The following SEPTIN2 variants were observed in gnomAD, a reference collection of about 807,000 sequenced individuals.
The protein encoded by SEPTIN2 is septin 2.
Under a neutral mutation model 46.5 loss-of-function variants are expected in SEPTIN2, and 34 were observed. The observed-to-expected ratio is 0.73, with a 90% CI of 0.56 to 0.97. SEPTIN2 has a LOEUF of 0.97. Ranked by LOEUF, SEPTIN2 falls within the 50% of genes least tolerant of loss-of-function variation. The probability of loss-of-function intolerance (pLI) is 0.00; values close to 1 mark genes in which losing one functional copy is unlikely to be tolerated. For missense variants in SEPTIN2, 347 were observed against 448.4 expected, an observed-to-expected ratio of 0.77 and a Z score of 2.04; for synonymous variants, 175 against 153.4, an observed-to-expected ratio of 1.14 and a Z score of -1.04.
Position 241,337,458 on chromosome 2 carries a change from C to A in SEPTIN2, c.418C>A (p.His140Asn). Residue 140 changes from histidine to asparagine, a missense_variant, in exon 6 of 13, where the codon CAC (histidine) becomes AAC (asparagine). His to Asn is a moderately conservative substitution (Grantham distance 68). Coordinates refer to ENST00000391971, the MANE Select transcript of SEPTIN2 (RefSeq NM_004404.5). ...TGACGAGAGCGGCTTGAACAGGCGG[C>A]ACATCATTGATAATAGGGTGCATTG... ...LHDESGLNRR[H>N]IIDNRVHCCF... The A allele has an allele frequency of 6.2e-7, 1 of 1,614,070 alleles. No individual in the cohort carries two copies. Among genetic ancestry groups the A allele is most frequent in the Non-Finnish European group, 8.5e-7 (1 of 1,179,996 alleles).
rs752033114 is a variant in SEPTIN2 at position 241,324,263 on chromosome 2, C to G, written c.9+22C>G. The G allele has an allele frequency of 1.9e-6, 3 of 1,600,366 alleles. No homozygotes were observed. In the Admixed American group the frequency reaches 5.1e-5, roughly 27 times the overall value. ...TAAGGTAAGATCATACTTCATGTATCTACAGCATAAGGAGAAATTGCTTTA... is the reference window on the plus strand; with the variant it reads ...TAAGGTAAGATCATACTTCATGTATGTACAGCATAAGGAGAAATTGCTTTA... On this transcript the variant is annotated intron_variant, in intron 2 of 12. Transcript: ENST00000391971.
chr2:241,346,863 G>C (rs1203245978), intron 10 of SEPTIN2, among the ~76,000 whole-genome samples: 1 of 152,202 alleles, frequency 6.6e-6, no homozygotes, highest in African/African-American at 2.4e-5. Context: ...GGAAACTGCA[G>C]CACCTGAGTT....
At chr2:241,348,618 T>A (rs915457145) in intron 11 of SEPTIN2, among the ~76,000 whole-genome samples, 1 of 152,218 alleles carries the variant, frequency 6.6e-6, no homozygotes, top group East Asian at 1.9e-4. Flanking sequence ...GTTTTTTTTT[T>A]AATTTGTTGA....
Position 241,324,291 on chromosome 2 carries a change from T to C in SEPTIN2, c.9+50T>C, listed in dbSNP as rs754949976. The C allele has an allele frequency of 2.7e-6, 4 of 1,487,004 alleles. No individual in the cohort carries two copies. In the South Asian group the frequency reaches 4.7e-5, roughly 18 times the overall value. 92.1% of individuals were successfully genotyped at this position (1,487,004 alleles called of 1,614,324 possible). The stretch of plus-strand genomic sequence containing the variant: ...CAGCATAAGGAGAAATTGCTTTATG[T>C]TTTCAGACTGTTGACAGTCGGGACT... On this transcript the variant is annotated intron_variant, in intron 2 of 12. Transcript: ENST00000391971.
chr2:241,335,320 A>C, intron 4 of SEPTIN2, 108 bp downstream of exon 4: 1 of 1,556,264 alleles, frequency 6.4e-7, no homozygotes, highest in Non-Finnish European at 8.7e-7. Flanking sequence ...GTTCTTGTTC[A>C]GCTTTGAACA....
At chr2:241,344,989 C>T (rs10188110) in intron 9 of SEPTIN2, among the ~76,000 whole-genome samples, 3,008 of 151,698 alleles carry the variant, frequency 0.02, 102 homozygotes, top group African/African-American at 0.069. Context: ...TGGTGGGTGC[C>T]GGTATTCTCA....
Position 241,347,555 on chromosome 2 carries a change from A to G in SEPTIN2, c.927-579A>G, listed in dbSNP as rs542136075. Among the ~76,000 whole-genome samples, 6 of 152,354 alleles carry G rather than the reference A, an allele frequency of 3.9e-5. No individual in the cohort carries two copies. The South Asian group carries it at 1.2e-3, about 32-fold the overall frequency. On this transcript the variant is annotated intron_variant, in intron 10 of 12. Transcript: ENST00000391971. Reference sequence around the variant, plus strand: ...ATGTGGTGACTACATTCGCATTAATAAAGAATAACATCTCAAAGCAAATTC... The same window carrying G: ...ATGTGGTGACTACATTCGCATTAATGAAGAATAACATCTCAAAGCAAATTC...
rs78091761 is a variant in SEPTIN2, at chr2:241,350,632, C to T, written c.*29+429C>T. 1.8e-4 allele frequency among the ~76,000 whole-genome samples: 28 copies of T among 152,282 alleles called. No homozygotes were observed. The East Asian group carries it at 5.2e-3, about 28-fold the overall frequency. On this transcript the variant is annotated intron_variant, in intron 12 of 12. Coordinates refer to ENST00000391971, the MANE Select transcript of SEPTIN2 (RefSeq NM_004404.5). ...GTACAGATTAAAAGTAGAGATGGCA[C>T]AAGGAAGAAGAATTATGTGAGGTAG... is the stretch of plus-strand genomic sequence containing the variant.
intron 11 of SEPTIN2, among the ~76,000 whole-genome samples, chr2:241,348,463 TCA>T (rs780749584): frequency 5.9e-5 from 9 of 152,134 alleles, no homozygotes; most frequent in Admixed American, 1.3e-4. Context: ...ACTCCTAACC[TCA>T]GGTGATCTGC....
intron 1 of SEPTIN2, among the ~76,000 whole-genome samples, chr2:241,317,875 A>G (rs1478966312): frequency 6.6e-6 from 1 of 152,192 alleles, no homozygotes; most frequent in Non-Finnish European, 1.5e-5. Context: ...AAAGAACTTT[A>G]AACAACTTCT....
chr2:241,327,414 G>GAA (rs201456497), intron 3 of SEPTIN2, among the ~76,000 whole-genome samples: 3 of 134,096 alleles, frequency 2.2e-5, no homozygotes, highest in African/African-American at 8.3e-5. Context: ...GGAAAAGCTG[G>GAA]AAAAAAAAAA....
intron 12 of SEPTIN2, chr2:241,351,213 C>T (rs181894474): frequency 6.6e-6 from 1 of 152,248 alleles, no homozygotes; most frequent in Non-Finnish European, 1.5e-5. Flanking sequence ...GCCTCCACAG[C>T]ATGTGGACAG....
At chr2:241,343,933 G>A (rs754349631) in intron 9 of SEPTIN2, 36 bp downstream of exon 9, 8 of 1,611,294 alleles carry the variant, frequency 5.0e-6, no homozygotes, top group South Asian at 2.2e-5. Flanking sequence ...GGCAGAATTT[G>A]GCGTGAAGAA....
intron 7 of SEPTIN2, among the ~76,000 whole-genome samples, chr2:241,342,161 G>A (rs2081335345): frequency 6.6e-6 from 1 of 152,140 alleles, no homozygotes; most frequent in South Asian, 2.1e-4. Flanking sequence ...GGATGTCTTA[G>A]ATTCCAACCT....
rs545463118 is a variant in SEPTIN2 at position 241,349,604 on chromosome 2, C to T, written c.985-469C>T. Among the ~76,000 whole-genome samples, 10 of 152,078 alleles carry T rather than the reference C, an allele frequency of 6.6e-5. No homozygotes were observed. In the East Asian group the frequency reaches 1.6e-3, roughly 24 times the overall value. Reference sequence around the variant, plus strand: ...TTGGGAGGCGGAGGCGGGTGGATCACGAGGTCAGGAGTTTGAGACCAGCCT... The same window carrying T: ...TTGGGAGGCGGAGGCGGGTGGATCATGAGGTCAGGAGTTTGAGACCAGCCT... On this transcript the variant is annotated intron_variant, in intron 11 of 12. Coordinates refer to ENST00000391971, the MANE Select transcript of SEPTIN2 (RefSeq NM_004404.5).
chr2:241,340,123 TC>T (rs994614854), intron 7 of SEPTIN2, among the ~76,000 whole-genome samples: 27 of 152,342 alleles, frequency 1.8e-4, no homozygotes, highest in African/African-American at 6.3e-4. Context: ...AATTTACATT[TC>T]CAAAGTGTAC....
At chr2:241,350,387 T>C (rs1292929506) in intron 12 of SEPTIN2, among the ~76,000 whole-genome samples, 184 bp downstream of exon 12, 2 of 152,212 alleles carry the variant, frequency 1.3e-5, no homozygotes, top group Non-Finnish European at 2.9e-5. Context: ...ACCTACTTTC[T>C]AGTAAAGATT....
intron 3 of SEPTIN2, among the ~76,000 whole-genome samples, chr2:241,327,770 G>T (rs2078246099): frequency 1.3e-5 from 2 of 152,110 alleles, no homozygotes. Flanking sequence ...GCCAGATCAG[G>T]CCTGGTGTGG....
At chr2:241,330,617 T>C (rs1668341203) in intron 3 of SEPTIN2, among the ~76,000 whole-genome samples, 1 of 152,260 alleles carries the variant, frequency 6.6e-6, no homozygotes, top group Non-Finnish European at 1.5e-5. Context: ...CACTGTCTTC[T>C]GTATTCTCCT....
Sources: gnomAD v4.1 joint callset for allele counts (sites outside exome capture counted in the v4.1 genomes callset) on GRCh38, gnomAD v4.1.1 for gene constraint, MANE v1.5 for transcripts, NCBI Gene and HGNC (gene_info 2026-07-23, HGNC 2026-07-21) for gene names.